Variants in MAP4 observed in about 807,000 individuals in gnomAD.
MAP4 encodes microtubule associated protein 4, also known as microtubule-associated protein 4.
MAP4 carries 76 observed loss-of-function variants against 170.2 expected under a neutral mutation model. That is an observed-to-expected ratio of 0.45 (90% CI 0.37 to 0.54). MAP4 has a LOEUF of 0.54. Among genes scored for constraint, MAP4 ranks in the 20% least tolerant of loss-of-function variants. MAP4 has a pLI of 0.00. For missense variants in MAP4, 2,506 were observed against 2,748.0 expected (o/e 0.91, Z 1.97); for synonymous variants, 909 against 994.5 (o/e 0.91, Z 1.62).
chr3:48,013,278 C>G (rs376169738), intron 1 of MAP4, among the ~76,000 whole-genome samples: 3 of 151,716 alleles, frequency 2.0e-5, no homozygotes, highest in African/African-American at 2.4e-5. Context: ...AAAAATGAAC[C>G]CTTGTGAATG....
At chr3:47,866,049 GA>G (rs1391709549) in intron 17 of MAP4, among the ~76,000 whole-genome samples, 1 of 152,112 alleles carries the variant, frequency 6.6e-6, no homozygotes, top group Non-Finnish European at 1.5e-5. Flanking sequence ...AAAAGATAAG[GA>G]GGGAAAGTCT....
In MAP4 at chr3:47,941,630, A is replaced by AC. The variant is rs1553642176; in HGVS notation, c.293-13281_293-13280insG. ...GTCTCTACTAAAAAAACAAAAACAA[A>AC]AAAAAAAAAAACTGGGCATGGTGGC... is the stretch of plus-strand genomic sequence containing the variant. On this transcript the variant is annotated intron_variant, in intron 3 of 20. Coordinates refer to ENST00000683076, the MANE Select transcript of MAP4 (RefSeq NM_001385682.1). Among the ~76,000 whole-genome samples, 17 of 150,438 alleles carry AC rather than the reference A, an allele frequency of 1.1e-4. 1 individual carries two copies. Among genetic ancestry groups the AC allele is most frequent in the African/African-American group, 4.2e-4 (17 of 40,304 alleles).
intron 3 of MAP4, among the ~76,000 whole-genome samples, chr3:47,930,995 G>C (rs908498253): frequency 6.6e-6 from 1 of 151,574 alleles, no homozygotes; most frequent in Non-Finnish European, 1.5e-5. Context: ...TATATAATGC[G>C]TAATATGCAC....
chr3:47,958,648 C>T, intron 3 of MAP4, among the ~76,000 whole-genome samples: 1 of 150,652 alleles, frequency 6.6e-6, no homozygotes, highest in East Asian at 1.9e-4. Context: ...TCCTGAGTAG[C>T]TGGGATTCCA....
At chr3:48,039,103 C>CA (rs920337642) in intron 1 of MAP4, among the ~76,000 whole-genome samples, 7 of 150,700 alleles carry the variant, frequency 4.6e-5, no homozygotes, top group African/African-American at 9.8e-5. Flanking sequence ...AACTCTGTCT[C>CA]AAAAAAAACA....
At chr3:48,081,843 C>T (rs2100146820) in intron 1 of MAP4, among the ~76,000 whole-genome samples, 1 of 152,178 alleles carries the variant, frequency 6.6e-6, no homozygotes, top group African/African-American at 2.4e-5. Context: ...AAATACTCTT[C>T]TCCAACAGAA....
intron 1 of MAP4, among the ~76,000 whole-genome samples, chr3:48,047,358 T>C (rs956065734): frequency 3.3e-5 from 5 of 151,990 alleles, no homozygotes; most frequent in Non-Finnish European, 5.9e-5. Flanking sequence ...ACCAGAATTA[T>C]CTCTCTAAAA....
rs983946467 is a variant in MAP4, at chr3:47,909,298, A to G, written c.5123T>C (p.Val1708Ala). The change falls in exon 9 of 21, where the codon GTG becomes GCG. Residue 1708 changes from valine to alanine, a missense_variant. Coordinates refer to ENST00000683076, the MANE Select transcript of MAP4 (RefSeq NM_001385682.1). ...HSKVEAPPSE[V>A]ADTLVIMTAS... ...AGTCATTATTACTAACGTATCCGCC[A>G]CCTCTGAAGGAGGAGCTTCGACTTT... The G allele has an allele frequency of 1.9e-6, 3 of 1,613,686 alleles. No individual in the cohort carries two copies. The highest frequency in any genetic ancestry group is 1.7e-6 in the Non-Finnish European group (2 of 1,179,830).
upstream of MAP4, among the ~76,000 whole-genome samples, chr3:48,017,749 T>C (rs2100108518): frequency 6.6e-6 from 1 of 152,206 alleles, no homozygotes; most frequent in Non-Finnish European, 1.5e-5. Flanking sequence ...TACCACCTTT[T>C]CTGTGACTGC....
chr3:48,033,507 TTGAAG>T (rs1244826519), intron 1 of MAP4, among the ~76,000 whole-genome samples: 18 of 152,234 alleles, frequency 1.2e-4, no homozygotes, highest in Admixed American at 2.0e-4. Context: ...ATTTTTTTAA[TTGAAG>T]TGAAGTTTAC....
At chr3:47,860,378 G>C (rs1027893365) in intron 17 of MAP4, among the ~76,000 whole-genome samples, 15 of 152,198 alleles carry the variant, frequency 9.9e-5, no homozygotes, top group African/African-American at 3.4e-4. Context: ...TTTTTTTGTA[G>C]AGAAGGGGTT....
intron 3 of MAP4, among the ~76,000 whole-genome samples, chr3:47,958,077 C>A (rs1016045565): frequency 6.6e-6 from 1 of 152,208 alleles, no homozygotes; most frequent in Non-Finnish European, 1.5e-5. Flanking sequence ...CCTTACACCA[C>A]TGAACCAACA....
chr3:47,875,550 C>A, intron 12 of MAP4, 135 bp downstream of exon 12: 6 of 836,286 alleles, frequency 7.2e-6, no homozygotes, highest in Non-Finnish European at 9.6e-6. Flanking sequence ...TTTCAAATCA[C>A]CCTCTCCCCC....
chr3:47,871,175 AG>A, intron 14 of MAP4, 51 bp downstream of exon 14: 1 of 1,612,434 alleles, frequency 6.2e-7, no homozygotes, highest in East Asian at 2.2e-5. Flanking sequence ...TAAGCCACAG[AG>A]GAGGTGGGGG....
chr3:48,079,894 G>A (rs926543995), intron 1 of MAP4, among the ~76,000 whole-genome samples: 3 of 151,420 alleles, frequency 2.0e-5, no homozygotes, highest in Non-Finnish European at 2.9e-5. Context: ...AGCTTGCAGT[G>A]AGCCGAGATA....
chr3:47,999,205 AAGCTAT>A (rs2100097872), intron 1 of MAP4, among the ~76,000 whole-genome samples: 1 of 152,178 alleles, frequency 6.6e-6, no homozygotes, highest in Non-Finnish European at 1.5e-5. Flanking sequence ...AACATATCCA[AAGCTAT>A]AGCCAGTAAG....
Position 47,971,065 on chromosome 3 carries a change from T to C in MAP4, c.292+6800A>G, listed in dbSNP as rs1166878929. Among the ~76,000 whole-genome samples, 5 of 152,346 alleles carry C rather than the reference T, an allele frequency of 3.3e-5. No homozygotes were observed. In the East Asian group the frequency reaches 9.6e-4, roughly 29 times the overall value. On this transcript the variant is annotated intron_variant, in intron 3 of 20. Coordinates refer to ENST00000683076, the MANE Select transcript of MAP4 (RefSeq NM_001385682.1). ...TATGTGGACTTTTCTGAAGAGAAAT[T>C]CTGTATTTTTATTAGAAAACCATGA...
intron 3 of MAP4, among the ~76,000 whole-genome samples, chr3:47,949,558 C>T (rs1167632462): frequency 2.6e-5 from 4 of 151,116 alleles, no homozygotes; most frequent in Non-Finnish European, 4.4e-5. Context: ...AGGAATGATG[C>T]GGAGTGGGGT....
At chr3:47,930,631 C>A (rs913759484) in intron 3 of MAP4, among the ~76,000 whole-genome samples, 3 of 151,846 alleles carry the variant, frequency 2.0e-5, no homozygotes, top group African/African-American at 7.3e-5. Context: ...ATAAACAACT[C>A]AATTTAAAAC....
Sources: allele counts gnomAD v4.1 joint callset (sites outside exome capture counted in the v4.1 genomes callset), GRCh38; gene constraint gnomAD v4.1.1; transcripts MANE v1.5; gene names NCBI Gene and HGNC (gene_info 2026-07-23, HGNC 2026-07-21).